The following GLIS3 variants were observed in gnomAD, a reference collection of about 807,000 sequenced individuals.
GLIS3 encodes the protein GLIS family zinc finger 3, also known as zinc finger protein GLIS3.
GLIS3 carries 53 observed loss-of-function variants against 78.6 expected under a neutral mutation model. The observed-to-expected ratio is 0.67, with a 90% CI of 0.54 to 0.85. GLIS3 has a LOEUF of 0.85. Among genes scored for constraint, GLIS3 ranks in the 40% least tolerant of loss-of-function variants. The pLI, the probability that GLIS3 is intolerant of heterozygous loss-of-function variation, is 0.00. For synonymous variants in GLIS3, 684 were observed against 509.9 expected, an observed-to-expected ratio of 1.34 and a Z score of -4.60; for missense variants, 1,703 against 1,231.1, an observed-to-expected ratio of 1.38 and a Z score of -5.74.
At chr9:4,434,100 A>AG in the GLIS3 span, among the ~76,000 whole-genome samples, 1 of 151,810 alleles carries the variant, frequency 6.6e-6, no homozygotes, top group African/African-American at 2.4e-5. Context: ...GTCTCAAAAA[A>AG]AAAAAAAAAA....
chr9:4,399,840 G>A, the GLIS3 span, among the ~76,000 whole-genome samples: 1 of 152,198 alleles, frequency 6.6e-6, no homozygotes, highest in Non-Finnish European at 1.5e-5. Context: ...TTTGAGGCAT[G>A]ATGCTGTAGC....
intron 2 of GLIS3, among the ~76,000 whole-genome samples, chr9:4,190,643 C>G (rs1247862389): frequency 6.6e-6 from 1 of 151,850 alleles, no homozygotes; most frequent in African/African-American, 2.4e-5. Flanking sequence ...CCCAATCTAG[C>G]AAGGCAGGCC....
At chr9:4,456,207 T>C in the GLIS3 span, among the ~76,000 whole-genome samples, 18 of 152,220 alleles carry the variant, frequency 1.2e-4, no homozygotes, top group African/African-American at 4.3e-4. Context: ...TTTTAAAATA[T>C]TGCTTAAAAA....
intron 4 of GLIS3, among the ~76,000 whole-genome samples, chr9:4,040,288 AAAAAAAC>A (rs1219021764): frequency 4.0e-5 from 6 of 148,442 alleles, no homozygotes; most frequent in African/African-American, 1.2e-4. Context: ...TCACAAGGTA[AAAAAAAC>A]AAAAAACAAA....
intron 2 of GLIS3, among the ~76,000 whole-genome samples, chr9:4,313,621 C>G (rs1377475350): frequency 6.6e-6 from 1 of 152,174 alleles, no homozygotes; most frequent in Non-Finnish European, 1.5e-5. Flanking sequence ...GGCAGTATCC[C>G]CTGCCCAATA....
chr9:4,283,261 GTT>G (rs369306104), intron 2 of GLIS3, among the ~76,000 whole-genome samples: 38 of 76,384 alleles, frequency 5.0e-4, no homozygotes, highest in African/African-American at 3.0e-3. Flanking sequence ...CTGTTTTTTT[GTT>G]TTTTTGTTTT....
At chr9:4,031,265 C>T (rs1290474286) in intron 4 of GLIS3, among the ~76,000 whole-genome samples, 1 of 151,950 alleles carries the variant, frequency 6.6e-6, no homozygotes, top group Non-Finnish European at 1.5e-5. Context: ...AATAGGTAAA[C>T]AAAATGTGAC....
chr9:4,408,682 A>C, the GLIS3 span, among the ~76,000 whole-genome samples: 6 of 131,996 alleles, frequency 4.5e-5, no homozygotes, highest in Non-Finnish European at 1.6e-5. Context: ...AGCCGAGATC[A>C]CGCCACCGCA....
chr9:4,093,122 T>A (rs1023163668), intron 4 of GLIS3, among the ~76,000 whole-genome samples: 5 of 152,166 alleles, frequency 3.3e-5, no homozygotes, highest in African/African-American at 1.2e-4. Flanking sequence ...ATTATCCTCA[T>A]TTACAGATGA....
intron 2 of GLIS3, among the ~76,000 whole-genome samples, chr9:4,275,914 T>C (rs567050890): frequency 5.0e-4 from 76 of 152,292 alleles, no homozygotes; most frequent in Non-Finnish European, 8.2e-4. Context: ...TCACATGAGA[T>C]AATCAATATG....
the GLIS3 span, among the ~76,000 whole-genome samples, chr9:4,451,465 C>G: frequency 1.3e-5 from 2 of 152,196 alleles, no homozygotes; most frequent in East Asian, 3.9e-4. Context: ...ACAAGGATAT[C>G]CAGGAATTGA....
chr9:4,460,969 T>C, the GLIS3 span, among the ~76,000 whole-genome samples: 1 of 152,134 alleles, frequency 6.6e-6, no homozygotes, highest in Non-Finnish European at 1.5e-5. Flanking sequence ...TGGGAGAAAA[T>C]TTTGTTCTCA....
intron 2 of GLIS3, among the ~76,000 whole-genome samples, chr9:4,273,907 C>G (rs370481250): frequency 4.6e-5 from 7 of 152,172 alleles, no homozygotes; most frequent in African/African-American, 1.7e-4. Context: ...TCGTACCCTG[C>G]CCTGCACCTC....
intron 1 of GLIS3, among the ~76,000 whole-genome samples, chr9:4,289,253 G>T (rs1018534375): frequency 1.3e-5 from 2 of 152,044 alleles, no homozygotes; most frequent in Non-Finnish European, 2.9e-5. Flanking sequence ...TTGAAATTCT[G>T]TAACTCCAGG....
At chr9:4,246,802 T>C (rs1018890513) in intron 2 of GLIS3, among the ~76,000 whole-genome samples, 1 of 152,246 alleles carries the variant, frequency 6.6e-6, no homozygotes, top group Admixed American at 6.5e-5. Flanking sequence ...TCTGTTCTTT[T>C]GGACCCCTGA....
intron 4 of GLIS3, among the ~76,000 whole-genome samples, chr9:4,086,294 C>T (rs1034661733): frequency 2.0e-5 from 3 of 152,168 alleles, no homozygotes; most frequent in African/African-American, 7.2e-5. Context: ...ATGAAACTTC[C>T]CCAACCCCAC....
intron 4 of GLIS3, among the ~76,000 whole-genome samples, chr9:3,953,767 C>A (rs1282000914): frequency 5.8e-3 from 193 of 33,298 alleles, no homozygotes; most frequent in African/African-American, 0.026. Context: ...TTTGCTCTCT[C>A]TCTCTCTCTC....
intron 2 of GLIS3, among the ~76,000 whole-genome samples, chr9:4,326,599 T>C (rs533505488): frequency 6.6e-6 from 1 of 152,218 alleles, no homozygotes; most frequent in Admixed American, 6.5e-5. Flanking sequence ...TGATGAAAAA[T>C]GCTGGAGAGC....
intron 2 of GLIS3, among the ~76,000 whole-genome samples, chr9:4,187,550 G>T (rs1224234960): frequency 6.6e-6 from 1 of 152,188 alleles, no homozygotes; most frequent in Non-Finnish European, 1.5e-5. Flanking sequence ...TTGGTAGCTT[G>T]ATGGGGATGG....
Sources: gnomAD v4.1 joint callset for allele counts (sites outside exome capture counted in the v4.1 genomes callset) on GRCh38, gnomAD v4.1.1 for gene constraint, MANE v1.5 for transcripts, NCBI Gene and HGNC (gene_info 2026-07-23, HGNC 2026-07-21) for gene names.